BTRC: variants seen among roughly 807,000 people sequenced by gnomAD.
The protein encoded by BTRC is beta-transducin repeat containing E3 ubiquitin protein ligase.
In BTRC, 42 loss-of-function variants were observed where a neutral mutation model predicts 85.5. That is an observed-to-expected ratio of 0.49 (90% CI 0.38 to 0.64). The LOEUF (loss-of-function observed/expected upper bound fraction) is 0.64, where lower values mean the gene tolerates loss of function less well. BTRC is among the 30% of genes least tolerant of loss of function. The pLI, the probability that BTRC is intolerant of heterozygous loss-of-function variation, is 0.00. For synonymous variants in BTRC, 255 were observed against 263.3 expected, an observed-to-expected ratio of 0.97 and a Z score of 0.30; for missense variants, 594 against 743.5, an observed-to-expected ratio of 0.80 and a Z score of 2.34.
At chr10:101,384,410 G>A (rs1293828690) in intron 1 of BTRC, among the ~76,000 whole-genome samples, 1 of 152,198 alleles carries the variant, frequency 6.6e-6, no homozygotes, top group Non-Finnish European at 1.5e-5. Context: ...AGTACGTGCA[G>A]GTAGATACTT....
At chr10:101,368,009 A>G (rs531698254) in intron 1 of BTRC, among the ~76,000 whole-genome samples, 7 of 152,298 alleles carry the variant, frequency 4.6e-5, no homozygotes, top group South Asian at 2.1e-4. Context: ...GCTTTATGCT[A>G]TGGTTTGAAT....
At chr10:101,490,018 A>G (rs1946087722) in intron 4 of BTRC, among the ~76,000 whole-genome samples, 1 of 152,144 alleles carries the variant, frequency 6.6e-6, no homozygotes, top group Admixed American at 6.6e-5. Context: ...CTTACCCAAT[A>G]CACCCTTAAT....
In BTRC at chr10:101,535,478, C is replaced by T. The variant is rs767737099; in HGVS notation, c.1466+6C>T. The T allele has an allele frequency of 1.3e-6, 2 of 1,581,122 alleles. No homozygotes were observed. Among genetic ancestry groups the T allele is most frequent in the East Asian group, 2.2e-5 (1 of 44,652 alleles). On this transcript the variant is annotated splice_donor_region_variant and intron_variant, in intron 11 of 14. Transcript: ENST00000370187. ...TCATCTGACAACACTATCAGGTGAGCAGCAAGTGCCTTGTATCATAAGGGA... is the reference window on the plus strand; with the variant it reads ...TCATCTGACAACACTATCAGGTGAGTAGCAAGTGCCTTGTATCATAAGGGA...
chr10:101,388,110 T>C (rs541717825), intron 1 of BTRC, among the ~76,000 whole-genome samples: 2 of 152,192 alleles, frequency 1.3e-5, no homozygotes, highest in South Asian at 4.2e-4. Flanking sequence ...AAGTATGGAG[T>C]TACTTCAAAA....
intron 4 of BTRC, among the ~76,000 whole-genome samples, chr10:101,482,326 T>A (rs1945855872): frequency 6.6e-6 from 1 of 151,840 alleles, no homozygotes; most frequent in African/African-American, 2.4e-5. Context: ...TGGCCAAGTT[T>A]TTTCTTTTTT....
chr10:101,412,854 A>G (rs1440183236), intron 1 of BTRC, among the ~76,000 whole-genome samples: 1 of 152,222 alleles, frequency 6.6e-6, no homozygotes, highest in African/African-American at 2.4e-5. Context: ...GTCTAGTTGT[A>G]TTGTCTTTCC....
Position 101,391,927 on chromosome 10 carries a change from G to A in BTRC, c.48+37699G>A, listed in dbSNP as rs74713278. Among the ~76,000 whole-genome samples the A allele has an allele frequency of 1.9e-3, 288 of 152,168 alleles. 2 individuals carry two copies. In the East Asian group the frequency reaches 0.037, roughly 20 times the overall value. On this transcript the variant is annotated intron_variant, in intron 1 of 14. Transcript: ENST00000370187. Reference sequence around the variant, plus strand: ...TACCTTGTAAAGTGACTAATGAAGGGCTTGTGCAAAGAATTAGAGAAGAGT... The same window carrying A: ...TACCTTGTAAAGTGACTAATGAAGGACTTGTGCAAAGAATTAGAGAAGAGT...
At chr10:101,395,307 G>A (rs1363864866) in intron 1 of BTRC, among the ~76,000 whole-genome samples, 1 of 152,190 alleles carries the variant, frequency 6.6e-6, no homozygotes, top group African/African-American at 2.4e-5. Context: ...GGCTAGGATA[G>A]GAAATTATTT....
At chr10:101,517,798 A>G (rs183703613) in intron 4 of BTRC, among the ~76,000 whole-genome samples, 6 of 152,224 alleles carry the variant, frequency 3.9e-5, no homozygotes, top group African/African-American at 1.4e-4. Context: ...CAAATTCAGT[A>G]GGATCTGTCT....
chr10:101,498,471 C>T (rs1017117547), intron 4 of BTRC, among the ~76,000 whole-genome samples: 6 of 151,974 alleles, frequency 3.9e-5, no homozygotes, highest in East Asian at 1.9e-4. Context: ...GCTGCTGTTA[C>T]GATCTAAATC....
chr10:101,457,462 A>C (rs981069744), intron 2 of BTRC, among the ~76,000 whole-genome samples: 5 of 152,246 alleles, frequency 3.3e-5, no homozygotes, highest in African/African-American at 1.2e-4. Context: ...GCTACCAGAA[A>C]GGTGCACAAT....
At chr10:101,472,052 A>T (rs928834674) in intron 3 of BTRC, among the ~76,000 whole-genome samples, 5 of 152,138 alleles carry the variant, frequency 3.3e-5, no homozygotes, top group African/African-American at 4.8e-5. Flanking sequence ...CCATGAATGT[A>T]TGATTCCCTT....
intron 3 of BTRC, among the ~76,000 whole-genome samples, chr10:101,471,525 C>T (rs183554299): frequency 6.6e-4 from 101 of 152,124 alleles, no homozygotes; most frequent in African/African-American, 2.4e-3. Context: ...ATGTGAGGTA[C>T]TGGTTTGCAG....
intron 4 of BTRC, among the ~76,000 whole-genome samples, chr10:101,490,233 C>G (rs777380076): frequency 8.6e-5 from 13 of 151,878 alleles, no homozygotes; most frequent in Non-Finnish European, 1.8e-4. Flanking sequence ...CCCTCCTTCC[C>G]TCCCTCACTC....
At chr10:101,437,505 T>G (rs1944563266) in intron 2 of BTRC, among the ~76,000 whole-genome samples, 1 of 152,228 alleles carries the variant, frequency 6.6e-6, no homozygotes, top group South Asian at 2.1e-4. Flanking sequence ...GTTAAAACAT[T>G]TAATATTCAT....
At chr10:101,488,820 G>C (rs11597599) in intron 4 of BTRC, among the ~76,000 whole-genome samples, 3 of 151,844 alleles carry the variant, frequency 2.0e-5, no homozygotes, top group African/African-American at 7.3e-5. Flanking sequence ...TACCCACCTG[G>C]GTACAGAATT....
At chr10:101,386,456 C>T (rs996239206) in intron 1 of BTRC, among the ~76,000 whole-genome samples, 5 of 152,158 alleles carry the variant, frequency 3.3e-5, no homozygotes, top group African/African-American at 1.2e-4. Flanking sequence ...ACAATGCTAT[C>T]TATCTAATTA....
At chr10:101,462,330 A>G (rs926211507) in intron 3 of BTRC, among the ~76,000 whole-genome samples, 1 of 152,196 alleles carries the variant, frequency 6.6e-6, no homozygotes. Flanking sequence ...CCCTTTTAGT[A>G]TGAGCAATAT....
chr10:101,371,550 T>C (rs1942636263), intron 1 of BTRC, among the ~76,000 whole-genome samples: 1 of 152,248 alleles, frequency 6.6e-6, no homozygotes, highest in African/African-American at 2.4e-5. Context: ...GTTTGCCTTT[T>C]TGTGACTAGC....
Sources: allele counts gnomAD v4.1 joint callset (sites outside exome capture counted in the v4.1 genomes callset), GRCh38; gene constraint gnomAD v4.1.1; transcripts MANE v1.5; gene names NCBI Gene and HGNC (gene_info 2026-07-23, HGNC 2026-07-21).